Variants in NEDD4L observed in about 807,000 individuals in gnomAD.
NEDD4L encodes the protein E3 ubiquitin-protein ligase NEDD4-like.
In NEDD4L, 54 loss-of-function variants were observed where a neutral mutation model predicts 148.9. The observed-to-expected ratio is 0.36, with a 90% CI of 0.29 to 0.45. The LOEUF (loss-of-function observed/expected upper bound fraction) is 0.45, where lower values mean the gene tolerates loss of function less well. Ranked by LOEUF, NEDD4L falls within the 20% of genes least tolerant of loss-of-function variation. The probability of loss-of-function intolerance (pLI) is 1.00; values close to 1 mark genes in which losing one functional copy is unlikely to be tolerated. For synonymous variants in NEDD4L, 433 were observed against 440.7 expected, an observed-to-expected ratio of 0.98 and a Z score of 0.22; for missense variants, 856 against 1,233.8, an observed-to-expected ratio of 0.69 and a Z score of 4.59.
Position 58,385,600 on chromosome 18 carries a change from G to T in NEDD4L, c.2487+14G>T. 6.2e-7 allele frequency: 1 copy of T among 1,611,238 alleles called. No homozygotes were observed. Among genetic ancestry groups the T allele is most frequent in the Non-Finnish European group, 8.5e-7 (1 of 1,177,454 alleles). On this transcript the variant is annotated intron_variant, in intron 26 of 30. Coordinates refer to ENST00000400345, the MANE Select transcript of NEDD4L (RefSeq NM_001144967.3). ...GCCTTCTTGGAGGTAAGCCATGCTGGCCAGGGTTCTCTGCCATGTGCCTCT... is the reference window on the plus strand; with the variant it reads ...GCCTTCTTGGAGGTAAGCCATGCTGTCCAGGGTTCTCTGCCATGTGCCTCT...
At chr18:58,057,410 A>G (rs1322673488) in intron 1 of NEDD4L, among the ~76,000 whole-genome samples, 1 of 152,190 alleles carries the variant, frequency 6.6e-6, no homozygotes, top group Non-Finnish European at 1.5e-5. Context: ...AGCTGGCTGA[A>G]CAGGAACAGC....
intron 2 of NEDD4L, among the ~76,000 whole-genome samples, chr18:58,210,788 A>T (rs1668395565): frequency 6.6e-6 from 1 of 152,258 alleles, no homozygotes; most frequent in South Asian, 2.1e-4. Context: ...TGAATTAAAA[A>T]AATAAAAATA....
chr18:58,355,802 C>CT (rs58183149), intron 18 of NEDD4L, among the ~76,000 whole-genome samples: 310 of 130,072 alleles, frequency 2.4e-3, no homozygotes, highest in Middle Eastern at 0.012. Context: ...GCTTTGGTAG[C>CT]TTTTTTTTTT....
At position 58,256,518 on chromosome 18, in the gene NEDD4L, A is replaced by T; in HGVS notation, c.297+4464A>T. 7 of 1,232,250 alleles carry T rather than the reference A, an allele frequency of 5.7e-6. No individual in the cohort carries two copies. Among genetic ancestry groups the T allele is most frequent in the Non-Finnish European group, 7.1e-6 (7 of 988,066 alleles). The allele number at this position is 1,232,250 out of a possible 1,614,324, so 76.3% of individuals were successfully genotyped here. ...TCGTACCCCACGCAGCCCCGAAGCGAGCGAGGGAGCCCCACGGAAGATCGG... is the reference window on the plus strand; with the variant it reads ...TCGTACCCCACGCAGCCCCGAAGCGTGCGAGGGAGCCCCACGGAAGATCGG... On this transcript the variant is annotated intron_variant, in intron 5 of 30. Transcript: ENST00000400345. This position sits in a 1 kb window ranked among gnomAD's most constrained non-coding sequence, Gnocchi z 5.2.
At chr18:58,215,959 A>T (rs148407489) in intron 2 of NEDD4L, among the ~76,000 whole-genome samples, 1 of 152,250 alleles carries the variant, frequency 6.6e-6, no homozygotes, top group African/African-American at 2.4e-5. Flanking sequence ...AGGTACTGGG[A>T]ATATCTTTGT....
chr18:58,087,952 C>T (rs940365452), intron 1 of NEDD4L, among the ~76,000 whole-genome samples: 3 of 152,218 alleles, frequency 2.0e-5, no homozygotes, highest in African/African-American at 7.2e-5. Flanking sequence ...AGAGTGTCTC[C>T]GCTGTGTCAG....
chr18:58,343,962 T>G (rs1266951745), intron 16 of NEDD4L, among the ~76,000 whole-genome samples: 1 of 152,220 alleles, frequency 6.6e-6, no homozygotes, highest in East Asian at 1.9e-4. Flanking sequence ...TGGTTTTTCT[T>G]CCGGTTATGT....
At chr18:58,199,510 G>T (rs1035850248) in intron 2 of NEDD4L, among the ~76,000 whole-genome samples, 6 of 152,204 alleles carry the variant, frequency 3.9e-5, no homozygotes, top group African/African-American at 1.4e-4. Flanking sequence ...ACCAGGCACG[G>T]TGGCTCACGC....
At chr18:58,281,307 C>CT (rs1182176689) in intron 5 of NEDD4L, among the ~76,000 whole-genome samples, 2 of 121,054 alleles carry the variant, frequency 1.7e-5, no homozygotes, top group African/African-American at 7.4e-5. Context: ...AAGTCTCTCT[C>CT]CTTTTTTTTT....
intron 2 of NEDD4L, among the ~76,000 whole-genome samples, chr18:58,240,646 C>T (rs936145619): frequency 5.9e-5 from 9 of 152,082 alleles, no homozygotes; most frequent in Non-Finnish European, 8.8e-5. Context: ...GTAGTCAGTC[C>T]TTTCTGATTT....
rs186013522 is a variant in NEDD4L, at chr18:58,192,217, G to T, written c.122+26356G>T. Among the ~76,000 whole-genome samples the T allele has an allele frequency of 1.2e-4, 19 of 152,254 alleles. No homozygotes were observed. The East Asian group carries it at 3.3e-3, about 26-fold the overall frequency. On this transcript the variant is annotated intron_variant, in intron 2 of 30. Coordinates refer to ENST00000400345, the MANE Select transcript of NEDD4L (RefSeq NM_001144967.3). ...CATTTGAGTTGGCTTTTCAATCCTG[G>T]TTTCCTAAATATGTGAGCCTGGACC... is the stretch of plus-strand genomic sequence containing the variant.
intron 13 of NEDD4L, 79 bp downstream of exon 13, chr18:58,335,616 G>A (rs963794045): frequency 8.4e-6 from 9 of 1,070,304 alleles, no homozygotes; most frequent in Non-Finnish European, 1.3e-5. Context: ...GTGAATATAC[G>A]CTGTTTTTAA....
intron 5 of NEDD4L, among the ~76,000 whole-genome samples, chr18:58,287,622 T>G (rs1370507612): frequency 6.6e-6 from 1 of 152,228 alleles, no homozygotes. Flanking sequence ...ACCTTTTCTG[T>G]GTAAATATTC....
At chr18:58,093,639 T>G (rs1357322642) in intron 1 of NEDD4L, among the ~76,000 whole-genome samples, 1 of 152,188 alleles carries the variant, frequency 6.6e-6, no homozygotes, top group Non-Finnish European at 1.5e-5. Flanking sequence ...AGAAGTGCGA[T>G]ACAGTTGGTG....
rs372433788 is a variant in NEDD4L at position 58,399,442 on chromosome 18, C to A, written c.*3173C>A. The A allele has an allele frequency of 6.6e-6, 1 of 152,144 alleles. No homozygotes were observed. Among genetic ancestry groups the A allele is most frequent in the African/African-American group, 2.4e-5 (1 of 41,412 alleles). The allele number at this position is 152,144 out of a possible 1,614,324, so 9.4% of individuals were successfully genotyped here. A position where few individuals can be genotyped will look rare whatever the true frequency, so the allele number is the denominator to read the frequency against. Reference sequence around the variant, plus strand: ...AATTCAGACAATGAGGGATACAGAGCGACTTGGCATGTATTATTTCTCCCA... The same window carrying A: ...AATTCAGACAATGAGGGATACAGAGAGACTTGGCATGTATTATTTCTCCCA... On this transcript the variant is annotated 3_prime_UTR_variant, in exon 31 of 31. Transcript: ENST00000400345.
At chr18:58,241,856 C>A (rs1371636906) in intron 2 of NEDD4L, among the ~76,000 whole-genome samples, 1 of 152,092 alleles carries the variant, frequency 6.6e-6, no homozygotes, top group Non-Finnish European at 1.5e-5. Flanking sequence ...GATGTCTAAG[C>A]AGCTTCACTA....
chr18:58,113,337 C>T (rs753832839), intron 1 of NEDD4L, among the ~76,000 whole-genome samples: 4 of 152,138 alleles, frequency 2.6e-5, no homozygotes, highest in Non-Finnish European at 5.9e-5. Context: ...GGAAATATAC[C>T]TTTATTGAAT....
intron 5 of NEDD4L, among the ~76,000 whole-genome samples, chr18:58,263,678 T>TTC (rs398033031): frequency 3.7e-5 from 5 of 135,772 alleles, no homozygotes; most frequent in East Asian, 4.0e-4. Flanking sequence ...TTTTTTTTTT[T>TTC]CTCTCTCTCA....
intron 1 of NEDD4L, among the ~76,000 whole-genome samples, chr18:58,152,635 CAT>C (rs2065188694): frequency 1.3e-5 from 2 of 152,216 alleles, no homozygotes; most frequent in Non-Finnish European, 2.9e-5. Flanking sequence ...TGCTTACAAA[CAT>C]AGATTGCTGG....
Sources: gnomAD v4.1 joint callset for allele counts (sites outside exome capture counted in the v4.1 genomes callset) on GRCh38, gnomAD v4.1.1 for gene constraint, Gnocchi (gnomAD v3.1) non-coding constraint, MANE v1.5 for transcripts, NCBI Gene and HGNC (gene_info 2026-07-23, HGNC 2026-07-21) for gene names.